The following VAPA variants were observed in gnomAD, a reference collection of about 807,000 sequenced individuals.
VAPA encodes vesicle-associated membrane protein-associated protein A.
Under a neutral mutation model 25.6 loss-of-function variants are expected in VAPA, and 6 were observed. The ratio of observed to expected loss-of-function variants is 0.23; its 90% CI spans 0.13 to 0.46. VAPA has a LOEUF of 0.46. Among genes scored for constraint, VAPA ranks in the 20% least tolerant of loss-of-function variants. The pLI is 0.99. For missense variants in VAPA, 244 were observed against 302.1 expected (o/e 0.81, Z 1.43); for synonymous variants, 112 against 106.2 (o/e 1.05, Z -0.34).
intron 1 of VAPA, chr18:9,924,116 T>G (rs919437398): frequency 2.6e-5 from 4 of 152,168 alleles, no homozygotes; most frequent in African/African-American, 9.7e-5. Flanking sequence ...TTGTATGTTT[T>G]TAGTTAAGAT....
intron 1 of VAPA, among the ~76,000 whole-genome samples, chr18:9,920,372 G>A (rs1021215068): frequency 6.6e-6 from 1 of 152,030 alleles, no homozygotes; most frequent in African/African-American, 2.4e-5. Flanking sequence ...GCGCTATCTC[G>A]GCTCACTGCA....
intron 4 of VAPA, 184 bp from the exon 5 acceptor site, chr18:9,950,211 C>T (rs2069474151): frequency 1.7e-6 from 1 of 575,596 alleles, no homozygotes; most frequent in Non-Finnish European, 3.0e-6. Context: ...AGGTACGTGC[C>T]AGGGATTATG....
intron 4 of VAPA, among the ~76,000 whole-genome samples, chr18:9,938,524 T>C (rs986630154): frequency 6.6e-6 from 1 of 152,204 alleles, no homozygotes; most frequent in Non-Finnish European, 1.5e-5. Flanking sequence ...TGGGTCTGTT[T>C]TAGCGCTTGA....
rs551129829 is a variant in VAPA at position 9,954,567 on chromosome 18, A to G, written c.*356A>G. Reference sequence around the variant, plus strand: ...TATTTTAATAATCCCTTTAAATTTTATCTGTTGCTGTTACCTCTTGAAATA... The same window carrying G: ...TATTTTAATAATCCCTTTAAATTTTGTCTGTTGCTGTTACCTCTTGAAATA... On this transcript the variant is annotated 3_prime_UTR_variant, in exon 6 of 6. Transcript: ENST00000400000. The G allele has an allele frequency of 4.6e-5, 8 of 172,120 alleles. No homozygotes were observed. The South Asian group carries it at 1.4e-3, about 30-fold the overall frequency. The allele number at this position is 172,120 out of a possible 1,614,324, so 10.7% of individuals were successfully genotyped here.
At chr18:9,951,179 G>C (rs2069485898) in intron 5 of VAPA, 2 of 152,226 alleles carry the variant, frequency 1.3e-5, no homozygotes, top group African/African-American at 4.8e-5. Context: ...TATTTGCGTG[G>C]GGCAGCATTG....
In VAPA at chr18:9,955,128, CT is replaced by C; in HGVS notation, c.*919del. 6.6e-6 allele frequency: 1 copy of C among 152,268 alleles called. No homozygotes were observed. Among genetic ancestry groups the C allele is most frequent in the African/African-American group, 2.4e-5 (1 of 41,568 alleles). The allele number at this position is 152,268 out of a possible 1,614,324, so 9.4% of individuals were successfully genotyped here. On this transcript the variant is annotated 3_prime_UTR_variant, in exon 6 of 6. Coordinates refer to ENST00000400000, the MANE Select transcript of VAPA (RefSeq NM_194434.3). ...TGTGCTCCATCTGATTTACCCCATT[CT>C]TAAGTTCTGAGAGTATGTTCTCAAG...
chr18:9,921,678 T>C lies in VAPA; in HGVS notation c.79+7343T>C, dbSNP rs1045256663. 8.5e-5 allele frequency among the ~76,000 whole-genome samples: 13 copies of C among 152,230 alleles called. 1 individual carries two copies. On this transcript the variant is annotated intron_variant, in intron 1 of 5. Transcript: ENST00000400000. Reference sequence around the variant, plus strand: ...CTTATTTGCCTTTCAGAGGTGGAAGTTGATACAGGATGGATCTTGCTCTCT... The same window carrying C: ...CTTATTTGCCTTTCAGAGGTGGAAGCTGATACAGGATGGATCTTGCTCTCT...
chr18:9,920,577 C>T (rs575404976), intron 1 of VAPA, among the ~76,000 whole-genome samples: 4 of 152,258 alleles, frequency 2.6e-5, no homozygotes, highest in Admixed American at 6.5e-5. Context: ...GGATGACAGG[C>T]GTGAGCCACT....
At chr18:9,936,655 A>G in intron 3 of VAPA, 1 of 252,052 alleles carries the variant, frequency 4.0e-6, no homozygotes, top group Non-Finnish European at 7.5e-6. Context: ...GCATGGGAGG[A>G]TTGATTGCTT....
chr18:9,937,457 A>T (rs146383017), intron 4 of VAPA, among the ~76,000 whole-genome samples: 2 of 152,176 alleles, frequency 1.3e-5, no homozygotes, highest in East Asian at 3.9e-4. Flanking sequence ...TTACATGGAC[A>T]GTTTATTCCA....
At chr18:9,950,267 A>G (rs554460803) in intron 4 of VAPA, 128 bp from the exon 5 acceptor site, 1 of 919,722 alleles carries the variant, frequency 1.1e-6, no homozygotes, top group African/African-American at 1.7e-5. Flanking sequence ...CTGACTGCTG[A>G]CATGTACTGA....
intron 4 of VAPA, among the ~76,000 whole-genome samples, chr18:9,937,431 T>C (rs1021629160): frequency 2.0e-5 from 3 of 152,136 alleles, no homozygotes; most frequent in South Asian, 4.1e-4. Context: ...TACCGGCAGT[T>C]TGGGGATAAA....
At chr18:9,946,475 A>ATT (rs35584230) in intron 4 of VAPA, among the ~76,000 whole-genome samples, 156 of 146,518 alleles carry the variant, frequency 1.1e-3, no homozygotes, top group Middle Eastern at 3.5e-3. Context: ...TTTTTGTGTG[A>ATT]TTTTTTTTTT....
At chr18:9,932,594 T>G (rs2069267125) in intron 2 of VAPA, among the ~76,000 whole-genome samples, 1 of 152,240 alleles carries the variant, frequency 6.6e-6, no homozygotes, top group Non-Finnish European at 1.5e-5. Flanking sequence ...TCAGTCCCTC[T>G]GACTTCACTA....
chr18:9,944,905 G>A, intron 4 of VAPA: 1 of 1,612,700 alleles, frequency 6.2e-7, no homozygotes, highest in Non-Finnish European at 8.5e-7. Flanking sequence ...CTGAGAATAT[G>A]TTTCCCATGC....
intron 4 of VAPA, chr18:9,948,216 AT>A (rs1444051677): frequency 6.6e-6 from 1 of 152,220 alleles, no homozygotes; most frequent in Non-Finnish European, 1.5e-5. Context: ...GTCTAATTCT[AT>A]TAGAATTAGA....
At chr18:9,933,952 A>G (rs2069282309) in intron 2 of VAPA, among the ~76,000 whole-genome samples, 1 of 152,230 alleles carries the variant, frequency 6.6e-6, no homozygotes, top group Non-Finnish European at 1.5e-5. Flanking sequence ...AGGGGCCTAG[A>G]TTGCTGGTTT....
At chr18:9,936,659 A>T (rs2069313707) in intron 3 of VAPA, 1 of 254,744 alleles carries the variant, frequency 3.9e-6, no homozygotes, top group Non-Finnish European at 7.4e-6. Context: ...GGGAGGATTG[A>T]TTGCTTGAGC....
intron 4 of VAPA, chr18:9,948,435 G>C (rs2069449593): frequency 6.6e-6 from 1 of 152,130 alleles, no homozygotes; most frequent in Admixed American, 6.6e-5. Flanking sequence ...GATTTGACAA[G>C]ATTGTGAGAA....
Sources: allele counts gnomAD v4.1 joint callset (sites outside exome capture counted in the v4.1 genomes callset), GRCh38; gene constraint gnomAD v4.1.1; transcripts MANE v1.5; gene names NCBI Gene and HGNC (gene_info 2026-07-23, HGNC 2026-07-21).